The following CDH26 variants were observed in gnomAD, a reference collection of about 807,000 sequenced individuals.
CDH26 encodes the protein cadherin-like protein 26.
Under a neutral mutation model 90.3 loss-of-function variants are expected in CDH26, and 83 were observed. The ratio of observed to expected loss-of-function variants is 0.92; its 90% CI spans 0.77 to 1.10. The LOEUF (loss-of-function observed/expected upper bound fraction) is 1.10, where lower values mean the gene tolerates loss of function less well. CDH26 is among the 50% of genes least tolerant of loss of function. The probability of loss-of-function intolerance (pLI) is 0.00; values close to 1 mark genes in which losing one functional copy is unlikely to be tolerated. For missense variants in CDH26, 1,013 were observed against 1,037.6 expected (o/e 0.98, Z 0.33); for synonymous variants, 397 against 396.3 (o/e 1.00, Z -0.02).
chr20:60,028,450 A>G (rs2062015462), intron 7 of CDH26, among the ~76,000 whole-genome samples: 1 of 152,234 alleles, frequency 6.6e-6, no homozygotes, highest in African/African-American at 2.4e-5. Context: ...CTCTATGTTT[A>G]TTGATTTAGC....
chr20:60,028,577 C>A (rs1356677657), intron 7 of CDH26, among the ~76,000 whole-genome samples: 1 of 152,158 alleles, frequency 6.6e-6, no homozygotes, highest in African/African-American at 2.4e-5. Flanking sequence ...GCAGGGAGTT[C>A]ATAGGCAGGA....
intron 17 of CDH26, 55 bp downstream of exon 17, chr20:60,006,842 G>A: frequency 7.4e-7 from 1 of 1,343,380 alleles, no homozygotes; most frequent in Non-Finnish European, 1.1e-6. Flanking sequence ...CATCCCCACT[G>A]TGCTCCAGGC....
exon 9 of CDH26, chr20:60,033,802 T>C (rs1371682531): frequency 8.6e-6 from 10 of 1,157,504 alleles, no homozygotes; most frequent in Non-Finnish European, 1.1e-5. Context: ...TGTGTGTGTG[T>C]GTGATCATGA....
intron 8 of CDH26, among the ~76,000 whole-genome samples, chr20:59,987,889 A>T (rs2061479157): frequency 6.6e-6 from 1 of 152,224 alleles, no homozygotes; most frequent in South Asian, 2.1e-4. Context: ...TTCACCATTT[A>T]ATTTTTTGTT....
At position 59,984,803 on chromosome 20, in the gene CDH26, G is replaced by A. The variant is rs762835716; in HGVS notation, c.706G>A (p.Glu236Lys). 2.5e-6 allele frequency: 4 copies of A among 1,605,516 alleles called. No individual in the cohort carries two copies. The highest frequency in any genetic ancestry group is 2.2e-5 in the East Asian group (1 of 44,828). Residue 236 changes from glutamate (E) to lysine (K), a missense_variant and splice_region_variant, in exon 6 of 18, where the codon GAG becomes AAG. By Grantham distance (56) the Glu-to-Lys change is moderately conservative. Coordinates refer to ENST00000348616, the MANE Select transcript of CDH26 (RefSeq NM_177980.4). ...EIRLSGCLDY[E>K]TAPQFTLLIR... The stretch of plus-strand genomic sequence containing the variant: ...ACGACTCTCTGGCTGCTTAGATTAT[G>A]AGGTTATGTGGATTTTATTATTTTT...
intron 12 of CDH26, 135 bp from the exon 13 acceptor site, chr20:59,996,496 C>G (rs2061598423): frequency 5.0e-6 from 8 of 1,612,438 alleles, no homozygotes; most frequent in Non-Finnish European, 6.8e-6. Flanking sequence ...AACTTTATAG[C>G]TACACAGATG....
intron 1 of CDH26, among the ~76,000 whole-genome samples, chr20:59,967,957 ATCTTTCTTTCTTTCTTTCTT>A (rs1162039272): frequency 0.016 from 935 of 59,538 alleles, 33 homozygotes; most frequent in African/African-American, 0.064. Flanking sequence ...CTTTCTTTCT[ATCTTTCTTTCTTTCTTTCTT>A]TCTTTCTTTC....
chr20:59,975,325 G>A (rs767913468), intron 4 of CDH26, among the ~76,000 whole-genome samples: 5 of 152,240 alleles, frequency 3.3e-5, no homozygotes, highest in Non-Finnish European at 5.9e-5. Flanking sequence ...GAAGGTGGAG[G>A]CAGAGATTAG....
intron 7 of CDH26, among the ~76,000 whole-genome samples, chr20:60,025,595 T>C (rs1186913654): frequency 6.6e-6 from 1 of 152,226 alleles, no homozygotes; most frequent in African/African-American, 2.4e-5. Flanking sequence ...TGGGAGCAGG[T>C]GTGGTGAAGG....
intron 4 of CDH26, among the ~76,000 whole-genome samples, chr20:59,979,600 ACTT>A: frequency 1.2e-5 from 1 of 83,424 alleles, no homozygotes; most frequent in African/African-American, 4.3e-5. Context: ...GCTGCTATGC[ACTT>A]TTTTTTTTTT....
At chr20:59,994,804 G>T (rs1410120369) in intron 11 of CDH26, among the ~76,000 whole-genome samples, 1 of 152,136 alleles carries the variant, frequency 6.6e-6, no homozygotes, top group South Asian at 2.1e-4. Context: ...TCACTGTTTG[G>T]CCTGGGTCAG....
intron 9 of CDH26, 94 bp downstream of exon 9, chr20:59,989,257 G>A (rs2061497252): frequency 2.0e-6 from 3 of 1,515,666 alleles, no homozygotes; most frequent in South Asian, 2.4e-5. Flanking sequence ...GGCCGGGCGC[G>A]GTGGCTCACG....
rs540752921 is a variant in CDH26, at chr20:59,987,534, T to A, written c.919T>A (p.Ser307Thr). 1.2e-6 allele frequency: 2 copies of A among 1,614,006 alleles called. No homozygotes were observed. Among genetic ancestry groups the A allele is most frequent in the East Asian group, 2.2e-5 (1 of 44,872 alleles). ...LVQDRDSPFTSAWRAKFNILH... is the reference protein window; with the variant it reads ...LVQDRDSPFTTAWRAKFNILH... ...TCAAGATCGAGATTCTCCATTTACATCAGCTTGGAGAGCAAAATTCAACAT... is the reference window on the plus strand; with the variant it reads ...TCAAGATCGAGATTCTCCATTTACAACAGCTTGGAGAGCAAAATTCAACAT... Residue 307 changes from serine to threonine, a missense_variant, in exon 8 of 18, where the codon TCA becomes ACA. Coordinates refer to ENST00000348616, the MANE Select transcript of CDH26 (RefSeq NM_177980.4).
At chr20:59,972,812 G>T (rs2061279793) in intron 4 of CDH26, among the ~76,000 whole-genome samples, 1 of 152,156 alleles carries the variant, frequency 6.6e-6, no homozygotes. Flanking sequence ...CTCTTTCAGG[G>T]TGGAAAGATG....
At chr20:60,006,873 C>A in intron 17 of CDH26, 86 bp downstream of exon 17, 1 of 968,626 alleles carries the variant, frequency 1.0e-6, no homozygotes, top group South Asian at 1.3e-5. Context: ...GACACTTCCT[C>A]CTAAATCACT....
intron 1 of CDH26, among the ~76,000 whole-genome samples, chr20:59,961,207 A>G (rs1224590087): frequency 6.6e-6 from 1 of 151,790 alleles, no homozygotes; most frequent in African/African-American, 2.4e-5. Flanking sequence ...ACCCACAATG[A>G]GTCTGATCAG....
chr20:60,022,604 A>C (rs1020660709), intron 7 of CDH26, among the ~76,000 whole-genome samples: 2 of 152,166 alleles, frequency 1.3e-5, no homozygotes, highest in African/African-American at 4.8e-5. Context: ...CTCAAAGATG[A>C]CCTGTGGCAG....
chr20:59,973,494 C>G (rs117872738), intron 4 of CDH26, among the ~76,000 whole-genome samples: 2 of 151,894 alleles, frequency 1.3e-5, no homozygotes. Context: ...TTTCATCATC[C>G]AGGTATTAAG....
chr20:59,985,172 G>C (rs2061440479), intron 7 of CDH26, 43 bp downstream of exon 7: 5 of 1,609,260 alleles, frequency 3.1e-6, no homozygotes, highest in Non-Finnish European at 3.4e-6. Flanking sequence ...CCCAAAACAA[G>C]TAGCCCTTGG....
Sources: gnomAD v4.1 joint callset for allele counts (sites outside exome capture counted in the v4.1 genomes callset) on GRCh38, gnomAD v4.1.1 for gene constraint, MANE v1.5 for transcripts, NCBI Gene and HGNC (gene_info 2026-07-23, HGNC 2026-07-21) for gene names.